CISTR: variants seen among roughly 807,000 people sequenced by gnomAD.
CISTR encodes chondrogenesis-associated transcript, also known as chondrogenic regulator lncRNA.
At chr12:53,750,964 A>C (rs1045796875) in exon 2 of CISTR, 5 of 152,690 alleles carry the variant, frequency 3.3e-5, no homozygotes, top group African/African-American at 1.2e-4. Context: ...AACGGCAAAC[A>C]GCTACGGCGG....
chr12:53,749,308 GTA>G (rs935742177), intron 2 of CISTR, among the ~76,000 whole-genome samples: 5 of 93,086 alleles, frequency 5.4e-5, no homozygotes, highest in South Asian at 3.2e-4. Context: ...GTGTGTGTGT[GTA>G]TATATATATA....
intron 1 of CISTR, chr12:53,750,990 T>C (rs1344847664): frequency 6.6e-6 from 1 of 152,292 alleles, no homozygotes; most frequent in Non-Finnish European, 1.5e-5. Flanking sequence ...ACAAGAACAT[T>C]GTAAGCCCCG....
intron 2 of CISTR, among the ~76,000 whole-genome samples, chr12:53,748,973 G>A (rs543302984): frequency 5.3e-5 from 8 of 152,088 alleles, no homozygotes; most frequent in Admixed American, 3.9e-4. Flanking sequence ...GTGTGTATGG[G>A]TGTGTGTGTG....
chr12:53,748,543 G>C (rs186855323), intron 2 of CISTR, among the ~76,000 whole-genome samples: 1 of 152,304 alleles, frequency 6.6e-6, no homozygotes, highest in East Asian at 1.9e-4. Flanking sequence ...ACAGGACAGA[G>C]CCAAGACAGA....
At position 53,751,287 on chromosome 12, in the gene CISTR, C is replaced by A. The variant is rs1036015648; in HGVS notation, n.415-322G>T. Among the ~76,000 whole-genome samples, 7 of 152,156 alleles carry A rather than the reference C, an allele frequency of 4.6e-5. No homozygotes were observed. The highest frequency in any genetic ancestry group is 1.4e-4 in the African/African-American group (6 of 41,434). On this transcript the variant is annotated intron_variant and non_coding_transcript_variant, in intron 1 of 2. Transcript: ENST00000669269. This position sits in a 1 kb window ranked among gnomAD's most constrained non-coding sequence, Gnocchi z 4.6. Reference sequence around the variant, plus strand: ...CCTGCAGGGGTTGGGGGCGCTGGGGCTCGGGGCGCTCACTCGGACCTCGGA... The same window carrying A: ...CCTGCAGGGGTTGGGGGCGCTGGGGATCGGGGCGCTCACTCGGACCTCGGA...
rs1937914040 is a variant in CISTR, at chr12:53,756,297, A to C, written n.414+517T>G. On this transcript the variant is annotated intron_variant and non_coding_transcript_variant, in intron 1 of 2. Coordinates refer to ENST00000669269, the Ensembl canonical transcript of CISTR. The surrounding 1 kb of genome is among the most constrained non-coding windows in gnomAD (Gnocchi z 4.0). ...TAAATGAGGACCTGGAACTCCTTAC[A>C]ATCTCCCTCTTACCTCCCCAAAGTA... Among the ~76,000 whole-genome samples, 3 of 152,148 alleles carry C rather than the reference A, an allele frequency of 2.0e-5. No homozygotes were observed. The South Asian group carries it at 6.2e-4, about 32-fold the overall frequency.
intron 1 of CISTR, chr12:53,754,283 G>A (rs11170676): frequency 0.12 from 17,823 of 152,170 alleles, 1,639 homozygotes; most frequent in East Asian, 0.5. Context: ...CCATTTCACA[G>A]ATGAGGCTAC....
At position 53,751,001 on chromosome 12, in the gene CISTR, C is replaced by G. The variant is rs1376779166; in HGVS notation, n.415-36G>C. 4.6e-5 allele frequency: 7 copies of G among 152,466 alleles called. No homozygotes were observed. Among genetic ancestry groups the G allele is most frequent in the Non-Finnish European group, 7.3e-5 (5 of 68,112 alleles). 9.4% of individuals were successfully genotyped at this position (152,466 alleles called of 1,614,324 possible). A position where few individuals can be genotyped will look rare whatever the true frequency, so the allele number is the denominator to read the frequency against. On this transcript the variant is annotated intron_variant and non_coding_transcript_variant, in intron 1 of 2. Coordinates refer to ENST00000669269, the Ensembl canonical transcript of CISTR. This position sits in a 1 kb window ranked among gnomAD's most constrained non-coding sequence, Gnocchi z 4.6. ...AGAAACAAGAACATTGTAAGCCCCGCGCAGACTGTCCCTGTGGAGGAGAAA... is the reference window on the plus strand; with the variant it reads ...AGAAACAAGAACATTGTAAGCCCCGGGCAGACTGTCCCTGTGGAGGAGAAA...
chr12:53,752,868 C>G (rs536909629), intron 1 of CISTR, among the ~76,000 whole-genome samples: 1 of 152,142 alleles, frequency 6.6e-6, no homozygotes, highest in Non-Finnish European at 1.5e-5. Flanking sequence ...CTAAGGGACA[C>G]GTCAACCCGC....
chr12:53,747,259 C>G (rs1937793175), intron 2 of CISTR, among the ~76,000 whole-genome samples: 1 of 152,116 alleles, frequency 6.6e-6, no homozygotes, highest in Admixed American at 6.5e-5. Flanking sequence ...TTGGCAGGAG[C>G]CAGGAGGCAG....
exon 3 of CISTR, among the ~76,000 whole-genome samples, chr12:53,746,650 T>C (rs969533553): frequency 6.6e-6 from 1 of 152,174 alleles, no homozygotes; most frequent in Admixed American, 6.5e-5. Flanking sequence ...CTGAAATTCA[T>C]GGGTTTTTGC....
At chr12:53,749,373 C>T (rs553135434) in intron 2 of CISTR, among the ~76,000 whole-genome samples, 20 of 150,776 alleles carry the variant, frequency 1.3e-4, no homozygotes, top group Admixed American at 6.6e-5. Context: ...GAGAGGGGCA[C>T]GGAGAGAGAG....
chr12:53,754,053 T>G (rs1937888620), intron 1 of CISTR, among the ~76,000 whole-genome samples: 1 of 151,884 alleles, frequency 6.6e-6, no homozygotes, highest in African/African-American at 2.4e-5. Flanking sequence ...GGCTATGAAA[T>G]GTAGGGAGAG....
chr12:53,750,295 A>C (rs1286562816), intron 2 of CISTR, among the ~76,000 whole-genome samples: 5 of 152,172 alleles, frequency 3.3e-5, no homozygotes, highest in Non-Finnish European at 7.3e-5. Flanking sequence ...CATGCAATAG[A>C]TTAGGAGAAG....
Position 53,756,005 on chromosome 12 carries a change from C to G in CISTR, n.414+809G>C, listed in dbSNP as rs1937910348. On this transcript the variant is annotated intron_variant and non_coding_transcript_variant, in intron 1 of 2. Transcript: ENST00000669269. The surrounding 1 kb of genome is among the most constrained non-coding windows in gnomAD (Gnocchi z 4.0). ...TCCTAAGTGTCTTACTAATTACAAA[C>G]AGAGAAAGCCTGGTCTGTGAAGTTA... The G allele has an allele frequency of 6.6e-6, 1 of 152,220 alleles. No homozygotes were observed. The highest frequency in any genetic ancestry group is 2.4e-5 in the African/African-American group (1 of 41,452). The allele number at this position is 152,220 out of a possible 1,614,324, so 9.4% of individuals were successfully genotyped here.
At chr12:53,748,324 T>C (rs911271154) in intron 2 of CISTR, among the ~76,000 whole-genome samples, 1 of 151,920 alleles carries the variant, frequency 6.6e-6, no homozygotes, top group African/African-American at 2.4e-5. Flanking sequence ...TCCCCAACAC[T>C]GCGGGGCAGG....
At chr12:53,747,067 CTCT>C (rs1353029017) in intron 2 of CISTR, among the ~76,000 whole-genome samples, 3 of 152,204 alleles carry the variant, frequency 2.0e-5, no homozygotes, top group African/African-American at 4.8e-5. Flanking sequence ...AGGGCAATTT[CTCT>C]TCTTCCTCTT....
rs1297970988 is a variant in CISTR, at chr12:53,746,734, G to A, written n.1178C>T. 4.6e-5 allele frequency among the ~76,000 whole-genome samples: 7 copies of A among 152,320 alleles called. No homozygotes were observed. In the South Asian group the frequency reaches 1.5e-3, roughly 32 times the overall value. On this transcript the variant is annotated non_coding_transcript_exon_variant, in exon 3 of 3. Coordinates refer to ENST00000669269, the Ensembl canonical transcript of CISTR. ...TGGATTCCAGACAGCATCCAGGGCCGACGTCTGGATCTGTAGGGAGCGCTG... is the reference window on the plus strand; with the variant it reads ...TGGATTCCAGACAGCATCCAGGGCCAACGTCTGGATCTGTAGGGAGCGCTG...
rs1048412373 is a variant in CISTR at position 53,756,318 on chromosome 12, A to G, written n.414+496T>C. Among the ~76,000 whole-genome samples, 56 of 152,202 alleles carry G rather than the reference A, an allele frequency of 3.7e-4. 1 individual carries two copies. Among genetic ancestry groups the G allele is most frequent in the Middle Eastern group, 3.2e-3 (1 of 316 alleles). On this transcript the variant is annotated intron_variant and non_coding_transcript_variant, in intron 1 of 2. Coordinates refer to ENST00000669269, the Ensembl canonical transcript of CISTR. The surrounding 1 kb of genome is among the most constrained non-coding windows in gnomAD (Gnocchi z 4.0). ...TTACAATCTCCCTCTTACCTCCCCA[A>G]AGTAAGAGAACGGAGTAGAGAGGAG...
Sources: gnomAD v4.1 joint callset for allele counts (sites outside exome capture counted in the v4.1 genomes callset) on GRCh38, gnomAD v4.1.1 for gene constraint, Gnocchi (gnomAD v3.1) non-coding constraint, MANE v1.5 for transcripts, NCBI Gene and HGNC (gene_info 2026-07-23, HGNC 2026-07-21) for gene names.